Variants in PCDHA11 observed in about 807,000 individuals in gnomAD.
PCDHA11 encodes protocadherin alpha-11.
PCDHA11 carries 61 observed loss-of-function variants against 70.3 expected under a neutral mutation model. The ratio of observed to expected loss-of-function variants is 0.87; its 90% CI spans 0.71 to 1.07. PCDHA11 has a LOEUF of 1.07. Among genes scored for constraint, PCDHA11 ranks in the 50% least tolerant of loss-of-function variants. The pLI, the probability that PCDHA11 is intolerant of heterozygous loss-of-function variation, is 0.00. For synonymous variants in PCDHA11, 633 were observed against 555.1 expected, an observed-to-expected ratio of 1.14 and a Z score of -1.97; for missense variants, 1,324 against 1,237.5, an observed-to-expected ratio of 1.07 and a Z score of -1.05.
intron 1 of PCDHA11, among the ~76,000 whole-genome samples, chr5:140,925,773 A>G (rs2082712352): frequency 6.6e-6 from 1 of 151,966 alleles, no homozygotes; most frequent in African/African-American, 2.4e-5. Context: ...TCCTGGTCAA[A>G]CTCTAATGAG....
intron 3 of PCDHA11, among the ~76,000 whole-genome samples, chr5:141,005,656 C>T (rs1004583867): frequency 1.5e-4 from 20 of 136,082 alleles, no homozygotes; most frequent in Non-Finnish European, 2.5e-4. Context: ...GAGTCGAGAT[C>T]GCGCCACTGC....
chr5:140,985,338 A>G (rs2153836548), intron 3 of PCDHA11, among the ~76,000 whole-genome samples: 1 of 152,280 alleles, frequency 6.6e-6, no homozygotes, highest in South Asian at 2.1e-4. Flanking sequence ...TCTCATTTGC[A>G]GGCCCAGATA....
At chr5:140,902,301 G>A (rs943083254) in intron 1 of PCDHA11, among the ~76,000 whole-genome samples, 1 of 149,570 alleles carries the variant, frequency 6.7e-6, no homozygotes, top group African/African-American at 2.5e-5. Context: ...GCCTCCCAAA[G>A]TGCTGGGATT....
At chr5:140,977,831 T>C (rs987042342) in intron 1 of PCDHA11, among the ~76,000 whole-genome samples, 3 of 152,240 alleles carry the variant, frequency 2.0e-5, no homozygotes, top group Admixed American at 1.3e-4. Flanking sequence ...AATGGTCTAT[T>C]GATATTACTA....
intron 1 of PCDHA11, 105 bp downstream of exon 1, chr5:140,871,599 TG>T (rs1554165773): frequency 6.9e-7 from 1 of 1,447,790 alleles, no homozygotes; most frequent in Admixed American, 2.7e-5. Flanking sequence ...GAATAACCAG[TG>T]TTTTGAATAT....
At chr5:140,967,699 T>C (rs781874469) in intron 1 of PCDHA11, 9 of 1,614,154 alleles carry the variant, frequency 5.6e-6, no homozygotes, top group Non-Finnish European at 7.6e-6. Context: ...TCAGCATAGA[T>C]GCCAGTACCG....
Position 140,870,835 on chromosome 5 carries a change from A to G in PCDHA11, c.1732A>G (p.Lys578Glu), listed in dbSNP as rs1304748663. The G allele has an allele frequency of 1.9e-6, 3 of 1,613,670 alleles. No individual in the cohort carries two copies. The highest frequency in any genetic ancestry group is 3.3e-5 in the Admixed American group (2 of 59,996). ...TGGCAGCGCGGGAGGCGCAGTTAAC[A>G]AGCTAGTACCGCGGTCGGTGGGTGC... ...QAGSAGGAVN[K>E]LVPRSVGAGH... The change falls in exon 1 of 4, where the codon AAG becomes GAG. Residue 578 changes from lysine (K) to glutamate (E), a missense_variant. Transcript: ENST00000398640.
At position 140,869,370 on chromosome 5, in the gene PCDHA11, G is replaced by A; in HGVS notation, c.267G>A (p.Arg89=). The A allele has an allele frequency of 6.2e-7, 1 of 1,614,138 alleles. No homozygotes were observed. The highest frequency in any genetic ancestry group is 1.1e-5 in the South Asian group (1 of 91,082). ...LQNGILFVNS[R]IDREELCGQS... ...ATGGCATTTTGTTTGTGAATTCTCG[G>A]ATCGACCGCGAGGAGCTGTGCGGGC... Residue 89 remains arginine (R), a synonymous_variant, in exon 1 of 4, where the codon CGG becomes CGA. Transcript: ENST00000398640.
chr5:140,931,086 A>G (rs2087290662), intron 1 of PCDHA11, among the ~76,000 whole-genome samples: 1 of 152,204 alleles, frequency 6.6e-6, no homozygotes, highest in Non-Finnish European at 1.5e-5. Context: ...CCAGTTCTAC[A>G]GATGACAAAG....
chr5:140,877,016 G>A (rs781790454), intron 1 of PCDHA11: 2 of 1,612,362 alleles, frequency 1.2e-6, no homozygotes, highest in Non-Finnish European at 1.7e-6. Context: ...GCGGAGAGCG[G>A]CAAGGTGTAC....
At chr5:140,923,343 T>G (rs1251719779) in intron 1 of PCDHA11, among the ~76,000 whole-genome samples, 1 of 152,122 alleles carries the variant, frequency 6.6e-6, no homozygotes, top group African/African-American at 2.4e-5. Flanking sequence ...TTGGGCAACA[T>G]AGTGGGACCC....
chr5:140,915,626 GTCTC>G (rs57920489), intron 1 of PCDHA11, among the ~76,000 whole-genome samples: 182 of 146,478 alleles, frequency 1.2e-3, no homozygotes, highest in East Asian at 9.3e-3. Flanking sequence ...GTCTCTTTCT[GTCTC>G]TCTCTCTCTC....
intron 1 of PCDHA11, among the ~76,000 whole-genome samples, chr5:140,918,114 G>C (rs989175486): frequency 5.8e-4 from 89 of 152,144 alleles, no homozygotes; most frequent in African/African-American, 2.1e-3. Flanking sequence ...TCACATCCTT[G>C]ATTAGCCATA....
intron 1 of PCDHA11, among the ~76,000 whole-genome samples, chr5:140,962,849 T>C (rs1434907172): frequency 6.6e-6 from 1 of 152,214 alleles, no homozygotes; most frequent in African/African-American, 2.4e-5. Context: ...ATATAACTTG[T>C]GCTCGGTTTG....
intron 1 of PCDHA11, among the ~76,000 whole-genome samples, chr5:140,904,190 C>T (rs1292555686): frequency 6.6e-6 from 1 of 151,916 alleles, no homozygotes; most frequent in Non-Finnish European, 1.5e-5. Flanking sequence ...CCCTTCCCAC[C>T]CTTTCCCCCT....
intron 1 of PCDHA11, among the ~76,000 whole-genome samples, chr5:140,910,829 C>G (rs938702955): frequency 6.6e-6 from 1 of 152,184 alleles, no homozygotes; most frequent in Non-Finnish European, 1.5e-5. Flanking sequence ...TAAATTCAGC[C>G]TGATCCAATG....
intron 1 of PCDHA11, among the ~76,000 whole-genome samples, chr5:140,905,614 A>T (rs1167406063): frequency 6.6e-6 from 1 of 152,094 alleles, no homozygotes; most frequent in Non-Finnish European, 1.5e-5. Flanking sequence ...GAATCTATAG[A>T]TTGCTTTTGA....
At chr5:140,915,466 T>C (rs2077134247) in intron 1 of PCDHA11, among the ~76,000 whole-genome samples, 1 of 152,176 alleles carries the variant, frequency 6.6e-6, no homozygotes, top group South Asian at 2.1e-4. Context: ...AGGTTTTTAT[T>C]TGAAGGAGCT....
chr5:140,882,404 G>T, intron 1 of PCDHA11: 1 of 1,614,152 alleles, frequency 6.2e-7, no homozygotes, highest in Non-Finnish European at 8.5e-7. Context: ...CACCTTCGTG[G>T]GCCGCATCGC....
Sources: allele counts gnomAD v4.1 joint callset (sites outside exome capture counted in the v4.1 genomes callset), GRCh38; gene constraint gnomAD v4.1.1; transcripts MANE v1.5; gene names NCBI Gene and HGNC (gene_info 2026-07-23, HGNC 2026-07-21).